Variants in CHAF1A observed in about 807,000 individuals in gnomAD.
The protein encoded by CHAF1A is CAF-1 subunit A.
In CHAF1A, 5 loss-of-function variants were observed where a neutral mutation model predicts 93.2. The ratio of observed to expected loss-of-function variants is 0.05; its 90% CI spans 0.03 to 0.11. The LOEUF (loss-of-function observed/expected upper bound fraction) is 0.11. Ranked by LOEUF, CHAF1A falls within the 10% of genes least tolerant of loss-of-function variation. CHAF1A has a pLI of 1.00. For synonymous variants in CHAF1A, 504 were observed against 510.3 expected (o/e 0.99, Z 0.17); for missense variants, 1,102 against 1,259.9 (o/e 0.87, Z 1.90).
intron 13 of CHAF1A, among the ~76,000 whole-genome samples, chr19:4,438,641 A>G (rs1468083480): frequency 1.3e-5 from 2 of 152,146 alleles, no homozygotes; most frequent in Admixed American, 6.6e-5. Flanking sequence ...ACAAGGAAGG[A>G]TGTGTTTGCC....
intron 13 of CHAF1A, 33 bp from the exon 14 acceptor site, chr19:4,442,212 C>T: frequency 1.9e-6 from 3 of 1,589,386 alleles, no homozygotes; most frequent in Non-Finnish European, 2.6e-6. Context: ...CTGCTGCCTG[C>T]AGTGCTGATG....
chr19:4,425,842 T>C (rs548650314), intron 7 of CHAF1A, among the ~76,000 whole-genome samples: 2 of 152,342 alleles, frequency 1.3e-5, no homozygotes, highest in South Asian at 4.1e-4. Flanking sequence ...CCCGGCGATG[T>C]GTGGAAATTT....
In CHAF1A at chr19:4,410,259, G is replaced by A. The variant is rs116871718; in HGVS notation, c.960+500G>A. ...GCCAGCCATCTTAAAAACCTTACCT[G>A]GGGCCAGGCACAGTGGCTCATGCCT... is the stretch of plus-strand genomic sequence containing the variant. On this transcript the variant is annotated intron_variant, in intron 3 of 14. Coordinates refer to ENST00000301280, the MANE Select transcript of CHAF1A (RefSeq NM_005483.3). Among the ~76,000 whole-genome samples, 67 of 152,222 alleles carry A rather than the reference G, an allele frequency of 4.4e-4. 1 individual carries two copies. The East Asian group carries it at 0.013, about 28-fold the overall frequency.
intron 1 of CHAF1A, among the ~76,000 whole-genome samples, chr19:4,403,076 C>T (rs1973615061): frequency 6.6e-6 from 1 of 152,334 alleles, no homozygotes; most frequent in East Asian, 1.9e-4. Flanking sequence ...CTCTCTGGGG[C>T]GGTGGGTCGG....
At chr19:4,448,420 G>A, downstream of CHAF1A, 1 of 1,602,324 alleles carries the variant, frequency 6.2e-7, no homozygotes, top group Non-Finnish European at 8.5e-7. Context: ...GAAGTGCTGG[G>A]AGGAGGGAAG....
At chr19:4,447,914 AAG>A (rs533661161), downstream of CHAF1A, 66 of 508,748 alleles carry the variant, frequency 1.3e-4, no homozygotes, top group African/African-American at 1.1e-3. Context: ...ACAGTGCCGG[AAG>A]AGTGGAGAGC....
chr19:4,435,094 T>G (rs1974259165), intron 13 of CHAF1A, among the ~76,000 whole-genome samples: 1 of 135,048 alleles, frequency 7.4e-6, no homozygotes, highest in Admixed American at 7.3e-5. Context: ...TTCCTTTTTT[T>G]TTTTTTTTTT....
At chr19:4,448,403 C>G, downstream of CHAF1A, 2 of 1,588,630 alleles carry the variant, frequency 1.3e-6, no homozygotes. Flanking sequence ...GCCACTGGGT[C>G]GGTGGAGAAG....
rs757502481 is a variant in CHAF1A at position 4,429,532 on chromosome 19, C to T, written c.1699C>T (p.Arg567Trp). Residue 567 changes from arginine to tryptophan, a missense_variant, in exon 9 of 15, where the codon CGG becomes TGG. Physicochemically the swap from Arg to Trp is moderately radical, Grantham distance 101. Around this residue, in one of 6 missense-constraint regions of CHAF1A, gnomAD observed 335 missense variants for 361.9 expected, o/e 0.93. Coordinates refer to ENST00000301280, the MANE Select transcript of CHAF1A (RefSeq NM_005483.3). ...GCTCCTGCAGTTCTGTGAGAACCACCGGCCTGCCTACTGGGGTACCTGGAA... is the reference window on the plus strand; with the variant it reads ...GCTCCTGCAGTTCTGTGAGAACCACTGGCCTGCCTACTGGGGTACCTGGAA... The part of the protein sequence containing the change: ...MKLLQFCENH[R>W]PAYWGTWNKK... 3.1e-6 allele frequency: 5 copies of T among 1,613,984 alleles called. No individual in the cohort carries two copies. Among genetic ancestry groups the T allele is most frequent in the South Asian group, 1.1e-5 (1 of 91,064 alleles).
intron 13 of CHAF1A, among the ~76,000 whole-genome samples, chr19:4,439,597 G>A (rs1323519325): frequency 6.6e-6 from 1 of 152,090 alleles, no homozygotes; most frequent in Non-Finnish European, 1.5e-5. Flanking sequence ...TGGAGGGAGG[G>A]CCCAGTGACT....
chr19:4,445,512 C>G (rs763974738), downstream of CHAF1A: 1 of 1,613,804 alleles, frequency 6.2e-7, no homozygotes, highest in African/African-American at 1.3e-5. Flanking sequence ...AAGAGCTTCT[C>G]GATGGCTGAC....
At chr19:4,405,408 G>A (rs1973662044) in intron 1 of CHAF1A, among the ~76,000 whole-genome samples, 2 of 152,138 alleles carry the variant, frequency 1.3e-5, no homozygotes, top group Admixed American at 1.3e-4. Flanking sequence ...AGGAGTTCGA[G>A]ACCATTCTGG....
chr19:4,418,446 C>T (rs1239974338), intron 4 of CHAF1A, among the ~76,000 whole-genome samples: 3 of 140,884 alleles, frequency 2.1e-5, no homozygotes, highest in Admixed American at 1.6e-4. Flanking sequence ...GACAGAGTCT[C>T]GCTCTGCCAC....
At chr19:4,445,705 G>C, downstream of CHAF1A, 2 of 1,557,564 alleles carry the variant, frequency 1.3e-6, no homozygotes, top group South Asian at 1.2e-5. Context: ...ACCTGGGCGC[G>C]GGGATGCCCC....
At position 4,428,877 on chromosome 19, in the gene CHAF1A, G is replaced by A. The variant is rs910999517; in HGVS notation, c.1591G>A (p.Asp531Asn). ...CACGCACGTTTCCACCCGGAATGCA[G>A]ATATTTTTAACAGGTCAGAGCCTGA... is the stretch of plus-strand genomic sequence containing the variant. ...GPTHVSTRNA[D>N]IFNSDVVIVE... The change falls in exon 8 of 15, where the codon GAT becomes AAT. Residue 531 changes from aspartate (D) to asparagine (N), a missense_variant. By Grantham distance (23) the Asp-to-Asn change is conservative. Transcript: ENST00000301280. 2 of 1,613,712 alleles carry A rather than the reference G, an allele frequency of 1.2e-6. No individual in the cohort carries two copies. Among genetic ancestry groups the A allele is most frequent in the African/African-American group, 2.7e-5 (2 of 75,046 alleles).
At chr19:4,428,452 T>TC (rs1266658453) in intron 7 of CHAF1A, among the ~76,000 whole-genome samples, 1 of 151,970 alleles carries the variant, frequency 6.6e-6, no homozygotes, top group Non-Finnish European at 1.5e-5. Context: ...TTGTAGTCTG[T>TC]CCCCCCACCG....
intron 13 of CHAF1A, among the ~76,000 whole-genome samples, chr19:4,435,664 C>T (rs561094605): frequency 2.0e-5 from 3 of 152,258 alleles, no homozygotes; most frequent in Non-Finnish European, 4.4e-5. Flanking sequence ...GCCACCGTGC[C>T]TGGCTCCCTG....
chr19:4,447,911 C>G (rs542490638), downstream of CHAF1A: 7 of 510,206 alleles, frequency 1.4e-5, no homozygotes, highest in East Asian at 7.0e-5. Context: ...GCCACAGTGC[C>G]GGAAGAGTGG....
intron 8 of CHAF1A, 104 bp from the exon 9 acceptor site, chr19:4,429,334 A>G (rs922383177): frequency 6.8e-6 from 9 of 1,326,982 alleles, no homozygotes; most frequent in East Asian, 2.3e-5. Context: ...ACAAATGCCC[A>G]TCTTTCTAGA....
Sources: allele counts gnomAD v4.1 joint callset (sites outside exome capture counted in the v4.1 genomes callset), GRCh38; gene constraint gnomAD v4.1.1; regional missense constraint gnomAD v4.1.1; transcripts MANE v1.5; gene names NCBI Gene and HGNC (gene_info 2026-07-23, HGNC 2026-07-21).